Variants in ZNF766 observed in about 807,000 individuals in gnomAD.
ZNF766 encodes the protein zinc finger protein 766.
Under a neutral mutation model 13.2 loss-of-function variants are expected in ZNF766, and 13 were observed. The ratio of observed to expected loss-of-function variants is 0.98; its 90% CI spans 0.64 to 1.56. ZNF766 has a LOEUF of 1.56. Among genes scored for constraint, ZNF766 ranks in the 40% most tolerant of loss-of-function variants. ZNF766 has a pLI of 0.00. For synonymous variants in ZNF766, 178 were observed against 187.6 expected, an observed-to-expected ratio of 0.95 and a Z score of 0.42; for missense variants, 521 against 552.2, an observed-to-expected ratio of 0.94 and a Z score of 0.57.
chr19:52,290,445 T>C lies in ZNF766; in HGVS notation c.654T>C (p.His218=), dbSNP rs773894539. 1.2e-5 allele frequency: 19 copies of C among 1,613,830 alleles called. No individual in the cohort carries two copies. In the South Asian group the frequency reaches 1.3e-4, roughly 11 times the overall value. ...CTGCAGATAAACCTAACAGATGTCA[T>C]GAATGTGGTAAAACCGTCAGGGACA... ...IHTADKPNRC[H]ECGKTVRDKS... The change falls in exon 4 of 4, where the codon CAT becomes CAC. Residue 218 remains histidine, a synonymous_variant. Transcript: ENST00000439461.
Position 52,293,682 on chromosome 19 carries a change from A to G in ZNF766, c.*2484A>G, listed in dbSNP as rs28412317. On this transcript the variant is annotated 3_prime_UTR_variant, in exon 4 of 4. Coordinates refer to ENST00000439461, the MANE Select transcript of ZNF766 (RefSeq NM_001010851.3). Reference sequence around the variant, plus strand: ...CTCTTGTTTCCCAGGCTGGAGTGCAATGGTGTGATCTCGGCTCACCGCAAC... The same window carrying G: ...CTCTTGTTTCCCAGGCTGGAGTGCAGTGGTGTGATCTCGGCTCACCGCAAC... 38,128 of 152,522 alleles carry G rather than the reference A, an allele frequency of 0.25. 4,966 individuals are homozygous for G. The highest frequency in any genetic ancestry group is 0.47 in the East Asian group (2,452 of 5,184). The allele number at this position is 152,522 out of a possible 1,614,324, so 9.4% of individuals were successfully genotyped here.
Position 52,295,939 on chromosome 19 carries a change from C to T in ZNF766, c.*4741C>T, listed in dbSNP as rs909173595. The T allele has an allele frequency of 1.8e-4, 27 of 151,870 alleles. No individual in the cohort carries two copies. The highest frequency in any genetic ancestry group is 6.1e-4 in the African/African-American group (25 of 41,314). The allele number at this position is 151,870 out of a possible 1,614,324, so 9.4% of individuals were successfully genotyped here. A position where few individuals can be genotyped will look rare whatever the true frequency, so the allele number is the denominator to read the frequency against. Reference sequence around the variant, plus strand: ...GTTTGGATAATCTTGTCAGTATCTACGAAGTGCCTTGATAGTAAATATATT... The same window carrying T: ...GTTTGGATAATCTTGTCAGTATCTATGAAGTGCCTTGATAGTAAATATATT... On this transcript the variant is annotated 3_prime_UTR_variant, in exon 4 of 4. Coordinates refer to ENST00000439461, the MANE Select transcript of ZNF766 (RefSeq NM_001010851.3).
At position 52,281,240 on chromosome 19, in the gene ZNF766, C is replaced by T. The variant is rs140966273; in HGVS notation, c.19-871C>T. On this transcript the variant is annotated intron_variant, in intron 1 of 3. Transcript: ENST00000439461. ...TTATAAGTGTTCTACACTATTGGGC[C>T]GGGTGCGGTGGCTCATGCCTGTAAT... Among the ~76,000 whole-genome samples the T allele has an allele frequency of 2.2e-3, 328 of 151,752 alleles. 6 individuals carry two copies. In the East Asian group the frequency reaches 0.023, roughly 11 times the overall value.
intron 3 of ZNF766, 34 bp downstream of exon 3, chr19:52,283,447 C>A: frequency 1.5e-6 from 2 of 1,369,284 alleles, no homozygotes; most frequent in Admixed American, 2.7e-5. Flanking sequence ...GAAAGCCACA[C>A]TTTTTTTTTT....
chr19:52,276,460 CTCTG>C lies in ZNF766; in HGVS notation c.19-5646_19-5643del, dbSNP rs369431692. On this transcript the variant is annotated intron_variant, in intron 1 of 3. Coordinates refer to ENST00000439461, the MANE Select transcript of ZNF766 (RefSeq NM_001010851.3). Reference sequence around the variant, plus strand: ...GGATACAGACCCCATGCACTGTATACTCTGTCTGCCCATCAATCTGTTAATAGTC... The same window carrying C: ...GGATACAGACCCCATGCACTGTATACTCTGCCCATCAATCTGTTAATAGTC... Among the ~76,000 whole-genome samples, 549 of 152,258 alleles carry C rather than the reference CTCTG, an allele frequency of 3.6e-3. 4 individuals are homozygous for C. The highest frequency in any genetic ancestry group is 0.012 in the African/African-American group (514 of 41,554).
chr19:52,284,914 T>G (rs1175265020), intron 3 of ZNF766: 1 of 152,100 alleles, frequency 6.6e-6, no homozygotes, highest in Non-Finnish European at 1.5e-5. Context: ...CCGCACGTGT[T>G]CAGCATGTGG....
chr19:52,282,455 A>G, intron 2 of ZNF766: 1 of 350,570 alleles, frequency 2.9e-6, no homozygotes, highest in Non-Finnish European at 5.3e-6. Context: ...GACCAAAATG[A>G]TAAAACCCCA....
At chr19:52,270,414 G>A (rs1980926102) in intron 1 of ZNF766, among the ~76,000 whole-genome samples, 1 of 152,172 alleles carries the variant, frequency 6.6e-6, no homozygotes, top group Admixed American at 6.5e-5. Context: ...AGCAACTCGA[G>A]AAATGTAGAG....
At chr19:52,275,194 A>T (rs1436657341) in intron 1 of ZNF766, among the ~76,000 whole-genome samples, 1 of 152,182 alleles carries the variant, frequency 6.6e-6, no homozygotes, top group Non-Finnish European at 1.5e-5. Context: ...GAAGACAGTG[A>T]CACTGATGGT....
rs1437827929 is a variant in ZNF766 at position 52,291,840 on chromosome 19, C to G, written c.*642C>G. ...CTATAATCTCAGCACAATAGAAAGC[C>G]AAGACAGGAGGGTCACTTGATGCCT... On this transcript the variant is annotated 3_prime_UTR_variant, in exon 4 of 4. Transcript: ENST00000439461. The G allele has an allele frequency of 6.5e-6, 2 of 306,496 alleles. No individual in the cohort carries two copies. Among genetic ancestry groups the G allele is most frequent in the East Asian group, 5.9e-5 (1 of 16,966 alleles). 19.0% of individuals were successfully genotyped at this position (306,496 alleles called of 1,614,324 possible). A position where few individuals can be genotyped will look rare whatever the true frequency, so the allele number is the denominator to read the frequency against.
intron 3 of ZNF766, 93 bp downstream of exon 3, chr19:52,283,506 T>C: frequency 7.1e-7 from 1 of 1,408,154 alleles, no homozygotes; most frequent in South Asian, 1.5e-5. Context: ...TTGGCCATCA[T>C]AGCTCACTGC....
chr19:52,289,802 C>A (rs112173676), intron 3 of ZNF766, among the ~76,000 whole-genome samples: 6,640 of 152,080 alleles, frequency 0.044, 221 homozygotes, highest in Non-Finnish European at 0.061. Context: ...AGATCGAGAC[C>A]ATCCTGGCTA....
At chr19:52,281,979 C>A in intron 1 of ZNF766, 132 bp from the exon 2 acceptor site, 1 of 1,092,322 alleles carries the variant, frequency 9.2e-7, no homozygotes, top group Non-Finnish European at 1.3e-6. Flanking sequence ...CTCAAAAATA[C>A]CTTAATGTGG....
intron 1 of ZNF766, among the ~76,000 whole-genome samples, chr19:52,279,328 T>C (rs1981367336): frequency 6.6e-6 from 1 of 152,212 alleles, no homozygotes; most frequent in Admixed American, 6.5e-5. Context: ...GCTTTGTTCT[T>C]TTTGCTCAGG....
At position 52,290,727 on chromosome 19, in the gene ZNF766, A is replaced by G; in HGVS notation, c.936A>G (p.Ser312=). The part of the protein sequence containing the change: ...NKCGKVYSSS[S]YLAQHWRIHT... ...GTGGCAAGGTTTATAGTAGCAGTTCATACCTAGCACAACATTGGAGAATTC... is the reference window on the plus strand; with the variant it reads ...GTGGCAAGGTTTATAGTAGCAGTTCGTACCTAGCACAACATTGGAGAATTC... The change falls in exon 4 of 4, where the codon TCA becomes TCG. Residue 312 remains serine, a synonymous_variant. Coordinates refer to ENST00000439461, the MANE Select transcript of ZNF766 (RefSeq NM_001010851.3). 1 of 1,614,090 alleles carries G rather than the reference A, an allele frequency of 6.2e-7. No homozygotes were observed. The highest frequency in any genetic ancestry group is 8.5e-7 in the Non-Finnish European group (1 of 1,179,946).
At chr19:52,271,535 G>T (rs1179885869) in intron 1 of ZNF766, among the ~76,000 whole-genome samples, 4 of 152,162 alleles carry the variant, frequency 2.6e-5, no homozygotes, top group Non-Finnish European at 5.9e-5. Context: ...CCCTGCGATT[G>T]TGCACCAGGT....
rs1191313651 is a variant in ZNF766 at position 52,292,092 on chromosome 19, C to A, written c.*894C>A. 2.9e-6 allele frequency: 2 copies of A among 696,688 alleles called. No individual in the cohort carries two copies. The highest frequency in any genetic ancestry group is 3.5e-5 in the African/African-American group (2 of 56,674). The allele number at this position is 696,688 out of a possible 1,614,324, so 43.2% of individuals were successfully genotyped here. Reference sequence around the variant, plus strand: ...ACCCTGTCTCAAAAGAAAAAAAAGGCTAGTTTTTATGACTTCAACCTGAAC... The same window carrying A: ...ACCCTGTCTCAAAAGAAAAAAAAGGATAGTTTTTATGACTTCAACCTGAAC... On this transcript the variant is annotated 3_prime_UTR_variant, in exon 4 of 4. Coordinates refer to ENST00000439461, the MANE Select transcript of ZNF766 (RefSeq NM_001010851.3).
Position 52,294,931 on chromosome 19 carries a change from TAATA to T in ZNF766, c.*3738_*3741del, listed in dbSNP as rs979933154. 8.6e-5 allele frequency: 13 copies of T among 151,258 alleles called. No homozygotes were observed. Among genetic ancestry groups the T allele is most frequent in the African/African-American group, 2.4e-4 (10 of 41,290 alleles). The allele number at this position is 151,258 out of a possible 1,614,324, so 9.4% of individuals were successfully genotyped here. A position where few individuals can be genotyped will look rare whatever the true frequency, so the allele number is the denominator to read the frequency against. On this transcript the variant is annotated 3_prime_UTR_variant, in exon 4 of 4. Transcript: ENST00000439461. ...CAATGAAAATTAGTGTGTGGGTTTA[TAATA>T]AATATAATGTATTATATAATATGAT...
chr19:52,282,028 A>G (rs1981551141), intron 1 of ZNF766, 83 bp from the exon 2 acceptor site: 1 of 1,518,632 alleles, frequency 6.6e-7, no homozygotes, highest in Non-Finnish European at 8.9e-7. Flanking sequence ...CAGTTGAGTC[A>G]GTCCTTACAA....
Sources: gnomAD v4.1 joint callset for allele counts (sites outside exome capture counted in the v4.1 genomes callset) on GRCh38, gnomAD v4.1.1 for gene constraint, MANE v1.5 for transcripts, NCBI Gene and HGNC (gene_info 2026-07-23, HGNC 2026-07-21) for gene names.